DLGAP1: variants seen among roughly 807,000 people sequenced by gnomAD.
DLGAP1 encodes DLG associated protein 1, also known as disks large-associated protein 1.
In DLGAP1, 11 loss-of-function variants were observed where a neutral mutation model predicts 90.8. The ratio of observed to expected loss-of-function variants is 0.12; its 90% CI spans 0.08 to 0.20. The LOEUF is 0.20. DLGAP1 is among the 10% of genes least tolerant of loss of function. The pLI is 1.00. For synonymous variants in DLGAP1, 558 were observed against 540.7 expected, an observed-to-expected ratio of 1.03 and a Z score of -0.44; for missense variants, 1,050 against 1,333.8, an observed-to-expected ratio of 0.79 and a Z score of 3.31.
At chr18:4,173,209 T>G (rs2077052020) in intron 1 of DLGAP1, among the ~76,000 whole-genome samples, 1 of 152,216 alleles carries the variant, frequency 6.6e-6, no homozygotes, top group Non-Finnish European at 1.5e-5. Flanking sequence ...AAGAGCCTAA[T>G]AATATTTGGA....
intron 1 of DLGAP1, among the ~76,000 whole-genome samples, chr18:4,346,340 T>C (rs1037216419): frequency 6.6e-6 from 1 of 152,140 alleles, no homozygotes. Context: ...GGGCAAGCTA[T>C]GCACATCCTC....
At chr18:4,334,286 CAT>C (rs1479025620) in intron 1 of DLGAP1, among the ~76,000 whole-genome samples, 3 of 151,748 alleles carry the variant, frequency 2.0e-5, no homozygotes, top group African/African-American at 7.3e-5. Context: ...CAGTCTATTT[CAT>C]ATGTTAGTCT....
intron 2 of DLGAP1, among the ~76,000 whole-genome samples, chr18:4,073,850 A>G (rs1380146910): frequency 6.6e-6 from 1 of 152,162 alleles, no homozygotes; most frequent in Admixed American, 6.5e-5. Flanking sequence ...TTAGCTAACT[A>G]TTTAAACTCT....
chr18:4,441,124 C>T (rs2083527320), intron 1 of DLGAP1, among the ~76,000 whole-genome samples: 2 of 152,154 alleles, frequency 1.3e-5, no homozygotes, highest in African/African-American at 2.4e-5. Context: ...TTGTTCATTG[C>T]GTTCTCTAAA....
chr18:3,522,395 T>C (rs1238304819), intron 10 of DLGAP1, among the ~76,000 whole-genome samples: 1 of 150,752 alleles, frequency 6.6e-6, no homozygotes, highest in African/African-American at 2.4e-5. Context: ...CCTCAGCCTC[T>C]CAAAGTGCTG....
chr18:3,669,377 C>T (rs1467546149), intron 7 of DLGAP1, among the ~76,000 whole-genome samples: 2 of 152,112 alleles, frequency 1.3e-5, no homozygotes, highest in African/African-American at 4.8e-5. Context: ...CCTTCCTGCC[C>T]AAATGTTGCA....
chr18:4,156,528 C>T (rs562329284), intron 1 of DLGAP1, among the ~76,000 whole-genome samples: 1 of 152,042 alleles, frequency 6.6e-6, no homozygotes, highest in Non-Finnish European at 1.5e-5. Flanking sequence ...TGCAAGACAC[C>T]ATATCATACT....
chr18:3,867,043 G>A (rs751827934), intron 4 of DLGAP1, among the ~76,000 whole-genome samples: 5 of 152,164 alleles, frequency 3.3e-5, no homozygotes, highest in Non-Finnish European at 4.4e-5. Flanking sequence ...TAGTAGAGAC[G>A]GGGTTTCACT....
At chr18:3,887,982 C>T (rs2071361865) in intron 3 of DLGAP1, among the ~76,000 whole-genome samples, 1 of 151,678 alleles carries the variant, frequency 6.6e-6, no homozygotes, top group Non-Finnish European at 1.5e-5. Flanking sequence ...GTGGCGGGCG[C>T]CTGTAGTCCC....
intron 1 of DLGAP1, among the ~76,000 whole-genome samples, chr18:4,248,875 T>A (rs1245352507): frequency 6.6e-6 from 1 of 152,190 alleles, no homozygotes; most frequent in Non-Finnish European, 1.5e-5. Context: ...CACATCCTTG[T>A]CCATCACTCC....
At chr18:4,271,021 A>G (rs187454916) in intron 1 of DLGAP1, among the ~76,000 whole-genome samples, 14 of 152,180 alleles carry the variant, frequency 9.2e-5, no homozygotes, top group African/African-American at 2.9e-4. Flanking sequence ...TTTTAAAGGC[A>G]GGTTTCCATC....
rs761102900 is a variant in DLGAP1 at position 4,378,932 on chromosome 18, C to T, written c.-267+76074G>A. On this transcript the variant is annotated intron_variant, in intron 1 of 12. Transcript: ENST00000315677. The surrounding 1 kb of genome is among the most constrained non-coding windows in gnomAD (Gnocchi z 4.5). ...TTGACAACTACACACCCACCACTCC[C>T]CTCCAGAGAGAGTGAGTCCCTGCTT... Among the ~76,000 whole-genome samples, 11 of 152,108 alleles carry T rather than the reference C, an allele frequency of 7.2e-5. No individual in the cohort carries two copies. The highest frequency in any genetic ancestry group is 1.6e-4 in the Non-Finnish European group (11 of 68,018).
At chr18:3,648,785 C>T (rs2059203673) in intron 7 of DLGAP1, among the ~76,000 whole-genome samples, 2 of 152,132 alleles carry the variant, frequency 1.3e-5, no homozygotes, top group South Asian at 4.2e-4. Flanking sequence ...GAAACTTATA[C>T]TCTTGAAAAA....
chr18:3,886,118 C>T (rs4798141), intron 3 of DLGAP1, among the ~76,000 whole-genome samples: 12,003 of 152,186 alleles, frequency 0.079, 594 homozygotes, highest in South Asian at 0.16. Context: ...CTCTGTCTTA[C>T]CCCATGAGGA....
intron 2 of DLGAP1, among the ~76,000 whole-genome samples, chr18:4,072,154 A>G (rs1204802022): frequency 1.3e-5 from 2 of 152,080 alleles, no homozygotes; most frequent in Non-Finnish European, 2.9e-5. Context: ...GTTAAGCAGT[A>G]TAAAGCAAAA....
intron 1 of DLGAP1, among the ~76,000 whole-genome samples, chr18:4,396,569 T>C (rs2082446616): frequency 6.6e-6 from 1 of 152,050 alleles, no homozygotes; most frequent in African/African-American, 2.4e-5. Context: ...TGGAGCTGAG[T>C]AGTGCTGGGT....
At chr18:4,141,815 T>C (rs1226852496) in intron 2 of DLGAP1, among the ~76,000 whole-genome samples, 2 of 152,028 alleles carry the variant, frequency 1.3e-5, no homozygotes, top group African/African-American at 4.8e-5. Context: ...TGTTTGATTC[T>C]CTTTTAATGA....
chr18:4,325,967 T>C (rs2080808043), intron 1 of DLGAP1, among the ~76,000 whole-genome samples: 3 of 152,140 alleles, frequency 2.0e-5, no homozygotes, highest in Non-Finnish European at 2.9e-5. Flanking sequence ...GATTTCATGA[T>C]GAAGATGACA....
At chr18:4,357,907 C>T (rs867624302) in intron 1 of DLGAP1, among the ~76,000 whole-genome samples, 54 of 152,330 alleles carry the variant, frequency 3.5e-4, no homozygotes, top group African/African-American at 7.7e-4. Context: ...TGCTTCTCAA[C>T]GCAGAAAATC....
Sources: gnomAD v4.1 joint callset for allele counts (sites outside exome capture counted in the v4.1 genomes callset) on GRCh38, gnomAD v4.1.1 for gene constraint, Gnocchi (gnomAD v3.1) non-coding constraint, MANE v1.5 for transcripts, NCBI Gene and HGNC (gene_info 2026-07-23, HGNC 2026-07-21) for gene names.